KTN1: variants seen among roughly 807,000 people sequenced by gnomAD.
KTN1 encodes kinectin.
A neutral mutation model predicts 222.5 loss-of-function variants in KTN1; 130 were observed. The observed-to-expected ratio is 0.58, with a 90% CI of 0.51 to 0.68. The LOEUF is 0.68. Ranked by LOEUF, KTN1 falls within the 30% of genes least tolerant of loss-of-function variation. KTN1 has a pLI of 0.00. For missense variants in KTN1, 1,508 were observed against 1,500.4 expected, an observed-to-expected ratio of 1.01 and a Z score of -0.08; for synonymous variants, 512 against 496.3, an observed-to-expected ratio of 1.03 and a Z score of -0.42.
chr14:55,617,676 A>G (rs1448025747), intron 3 of KTN1, among the ~76,000 whole-genome samples: 1 of 152,220 alleles, frequency 6.6e-6, no homozygotes. Context: ...ACAAAAATTA[A>G]AGGAGACTTA....
At chr14:55,591,644 A>G (rs1243672012) in intron 1 of KTN1, among the ~76,000 whole-genome samples, 1 of 137,760 alleles carries the variant, frequency 7.3e-6, no homozygotes, top group Non-Finnish European at 1.5e-5. Context: ...GCTGGAGTGC[A>G]ATGATGCGAT....
Position 55,580,278 on chromosome 14 carries a change from GCGC to G in KTN1, c.-105_-103del. On this transcript the variant is annotated 5_prime_UTR_variant, in exon 1 of 44. Transcript: ENST00000395314. ...TGCGGCGGCGGCGGCGGCGGCGGCG[GCGC>G]CTCGGAGCGGGCGGCCCGGGCTGTA... 1 of 152,558 alleles carries G rather than the reference GCGC, an allele frequency of 6.6e-6. No homozygotes were observed. The highest frequency in any genetic ancestry group is 1.4e-5 in the Non-Finnish European group (1 of 71,796). 9.5% of individuals were successfully genotyped at this position (152,558 alleles called of 1,614,324 possible).
In KTN1 at chr14:55,673,165, A is replaced by T. The variant is rs763034759; in HGVS notation, c.3688-7A>T. ...AGATCAATCTTAAACTCTAAACTTCATTGCAGCTGAAAGATCTGTTGACTG... is the reference window on the plus strand; with the variant it reads ...AGATCAATCTTAAACTCTAAACTTCTTTGCAGCTGAAAGATCTGTTGACTG... On this transcript the variant is annotated splice_region_variant and splice_polypyrimidine_tract_variant and intron_variant, in intron 39 of 43. Transcript: ENST00000395314. The T allele has an allele frequency of 6.2e-7, 1 of 1,610,200 alleles. No homozygotes were observed. The highest frequency in any genetic ancestry group is 1.1e-5 in the South Asian group (1 of 90,950).
At chr14:55,603,164 T>G (rs905726158) in intron 1 of KTN1, among the ~76,000 whole-genome samples, 2 of 150,636 alleles carry the variant, frequency 1.3e-5, no homozygotes, top group African/African-American at 4.9e-5. Flanking sequence ...TTTTACTGGA[T>G]CATTTTTTTT....
At chr14:55,629,114 T>C (rs2040202449) in intron 6 of KTN1, among the ~76,000 whole-genome samples, 1 of 152,164 alleles carries the variant, frequency 6.6e-6, no homozygotes, top group African/African-American at 2.4e-5. Flanking sequence ...ATGAAATCCC[T>C]CATTTAAGAT....
intron 30 of KTN1, among the ~76,000 whole-genome samples, chr14:55,659,000 A>G (rs1305211565): frequency 6.6e-6 from 1 of 152,176 alleles, no homozygotes; most frequent in Non-Finnish European, 1.5e-5. Flanking sequence ...ATCATAAGCA[A>G]TAGTCTACTA....
intron 1 of KTN1, among the ~76,000 whole-genome samples, chr14:55,594,293 T>G (rs2034653300): frequency 6.6e-6 from 1 of 152,160 alleles, no homozygotes; most frequent in African/African-American, 2.4e-5. Flanking sequence ...TCCCTTCCTT[T>G]GCACAAATCT....
At chr14:55,628,952 AT>A (rs745438367) in intron 6 of KTN1, among the ~76,000 whole-genome samples, 1 of 152,262 alleles carries the variant, frequency 6.6e-6, no homozygotes, top group Non-Finnish European at 1.5e-5. Flanking sequence ...GCCATAAATT[AT>A]GTAATATCTC....
chr14:55,659,307 G>GGTTTTTT (rs1193826096), intron 30 of KTN1, among the ~76,000 whole-genome samples: 1 of 120,648 alleles, frequency 8.3e-6, no homozygotes. Flanking sequence ...TTTGATTTCT[G>GGTTTTTT]TTTTTTTTTT....
chr14:55,601,722 G>A (rs2035999504), intron 1 of KTN1: 2 of 152,032 alleles, frequency 1.3e-5, no homozygotes, highest in African/African-American at 4.8e-5. Context: ...ATTTTCTTGT[G>A]TTTTGAAGTG....
intron 2 of KTN1, among the ~76,000 whole-genome samples, chr14:55,613,805 A>G (rs1038233004): frequency 6.6e-6 from 1 of 152,170 alleles, no homozygotes; most frequent in African/African-American, 2.4e-5. Flanking sequence ...CATGTCAGCT[A>G]GGATCAAGGC....
At chr14:55,676,397 G>T (rs1056176624) in intron 41 of KTN1, among the ~76,000 whole-genome samples, 5 of 151,896 alleles carry the variant, frequency 3.3e-5, no homozygotes, top group Non-Finnish European at 7.4e-5. Flanking sequence ...TCTTTGCATT[G>T]GTTTGACAGG....
intron 43 of KTN1, chr14:55,680,137 A>G (rs2046237696): frequency 6.3e-6 from 1 of 159,504 alleles, no homozygotes; most frequent in Non-Finnish European, 1.4e-5. Context: ...ACAGTGTCTT[A>G]AAATTGAAAG....
intron 43 of KTN1, chr14:55,683,131 A>G (rs986213023): frequency 1.5e-4 from 23 of 152,140 alleles, no homozygotes; most frequent in African/African-American, 5.3e-4. Context: ...AACCTTAGCT[A>G]TCATATGGAT....
chr14:55,677,075 C>T (rs547796151), intron 41 of KTN1, among the ~76,000 whole-genome samples: 25 of 152,294 alleles, frequency 1.6e-4, no homozygotes, highest in African/African-American at 5.5e-4. Context: ...ATCTTATTTA[C>T]AGTAGCTAAG....
intron 18 of KTN1, chr14:55,644,274 C>G (rs1008306407): frequency 7.1e-6 from 4 of 565,046 alleles, no homozygotes; most frequent in African/African-American, 5.6e-5. Context: ...GTCAGAATTC[C>G]AAGTGACAGT....
chr14:55,681,060 T>G (rs1187780075), intron 43 of KTN1: 1 of 201,202 alleles, frequency 5.0e-6, no homozygotes, highest in Non-Finnish European at 1.0e-5. Context: ...CCTTATTTTT[T>G]TACTTTTTTA....
At chr14:55,583,756 A>C (rs867233216) in intron 1 of KTN1, among the ~76,000 whole-genome samples, 1 of 152,262 alleles carries the variant, frequency 6.6e-6, no homozygotes, top group East Asian at 1.9e-4. Flanking sequence ...GACTTTCCAC[A>C]TGTGCTGTTA....
chr14:55,655,173 C>T (rs986169778), intron 28 of KTN1, among the ~76,000 whole-genome samples: 2 of 151,978 alleles, frequency 1.3e-5, no homozygotes, highest in Admixed American at 1.3e-4. Context: ...GAAACAGAGT[C>T]TCCCTGTGTT....
Sources: allele counts gnomAD v4.1 joint callset (sites outside exome capture counted in the v4.1 genomes callset), GRCh38; gene constraint gnomAD v4.1.1; transcripts MANE v1.5; gene names NCBI Gene and HGNC (gene_info 2026-07-23, HGNC 2026-07-21).